GRK4: variants seen among roughly 807,000 people sequenced by gnomAD.
The protein encoded by GRK4 is G protein-coupled receptor kinase 4.
GRK4 carries 73 observed loss-of-function variants against 77.9 expected under a neutral mutation model. The observed-to-expected ratio is 0.94, with a 90% CI of 0.78 to 1.14. The LOEUF (loss-of-function observed/expected upper bound fraction) is 1.14, where lower values mean the gene tolerates loss of function less well. Among genes scored for constraint, GRK4 ranks in the 50% most tolerant of loss-of-function variants. The probability of loss-of-function intolerance (pLI) is 0.00; values close to 1 mark genes in which losing one functional copy is unlikely to be tolerated. For synonymous variants in GRK4, 257 were observed against 254.4 expected (o/e 1.01, Z -0.10); for missense variants, 729 against 700.2 (o/e 1.04, Z -0.46).
At chr4:2,965,803 A>C in intron 1 of GRK4, 1 of 318,386 alleles carries the variant, frequency 3.1e-6, no homozygotes. Flanking sequence ...ATAATCAGGG[A>C]GTCCCAGAGC....
intron 4 of GRK4, among the ~76,000 whole-genome samples, chr4:3,003,737 T>C (rs913818720): frequency 6.6e-6 from 1 of 152,080 alleles, no homozygotes; most frequent in Non-Finnish European, 1.5e-5. Flanking sequence ...TTTTTTTGTT[T>C]GGTTTGGTTT....
At chr4:2,975,509 G>A (rs1255539612) in intron 1 of GRK4, among the ~76,000 whole-genome samples, 1 of 152,166 alleles carries the variant, frequency 6.6e-6, no homozygotes, top group Non-Finnish European at 1.5e-5. Flanking sequence ...TGGCCCGTCA[G>A]CAAAAGGGCC....
intron 9 of GRK4, 80 bp from the exon 10 acceptor site, chr4:3,022,334 G>T (rs1162893239): frequency 7.1e-7 from 1 of 1,404,570 alleles, no homozygotes; most frequent in Non-Finnish European, 1.0e-6. Flanking sequence ...CCTTGCTCAC[G>T]CTGGTTGTTC....
chr4:3,034,544 T>G (rs1056733491), intron 12 of GRK4, among the ~76,000 whole-genome samples: 1 of 152,166 alleles, frequency 6.6e-6, no homozygotes, highest in Non-Finnish European at 1.5e-5. Context: ...CATGTGTTGC[T>G]TTTGAGCACA....
intron 4 of GRK4, among the ~76,000 whole-genome samples, chr4:3,003,702 C>G (rs1280531796): frequency 6.6e-6 from 1 of 151,986 alleles, no homozygotes; most frequent in Non-Finnish European, 1.5e-5. Flanking sequence ...CTGTTTGAGA[C>G]CCTGCTTTCC....
At chr4:2,998,915 C>CT (rs1304907331) in intron 4 of GRK4, among the ~76,000 whole-genome samples, 1 of 151,992 alleles carries the variant, frequency 6.6e-6, no homozygotes, top group African/African-American at 2.4e-5. Flanking sequence ...CTATAACATT[C>CT]TTTAAAAAGA....
intron 1 of GRK4, among the ~76,000 whole-genome samples, chr4:2,967,441 C>A (rs1045772453): frequency 1.3e-5 from 2 of 152,344 alleles, no homozygotes; most frequent in South Asian, 4.1e-4. Flanking sequence ...CACTCTGTCA[C>A]CCAGGCTGGA....
At chr4:3,018,694 A>G (rs756643994) in intron 8 of GRK4, among the ~76,000 whole-genome samples, 7 of 152,186 alleles carry the variant, frequency 4.6e-5, no homozygotes, top group Non-Finnish European at 7.3e-5. Context: ...CCTGGCCAAC[A>G]TGGTGAAACC....
intron 13 of GRK4, 64 bp downstream of exon 13, chr4:3,035,587 C>CT: frequency 6.6e-6 from 10 of 1,517,402 alleles, no homozygotes; most frequent in Non-Finnish European, 8.8e-6. Flanking sequence ...CGGTTTTTCT[C>CT]TTTCTTTTTT....
intron 7 of GRK4, 55 bp downstream of exon 7, chr4:3,009,766 T>C: frequency 7.5e-7 from 1 of 1,336,238 alleles, no homozygotes; most frequent in Non-Finnish European, 1.1e-6. Flanking sequence ...GGGAGCAAGG[T>C]CCTGAGAACA....
chr4:2,965,642 C>G (rs1717420563), intron 1 of GRK4: 1 of 594,820 alleles, frequency 1.7e-6, no homozygotes, highest in Non-Finnish European at 3.0e-6. Flanking sequence ...CCAGGAGAGT[C>G]CAGCCTGGGC....
chr4:3,039,268 T>G (rs113525958), intron 15 of GRK4, among the ~76,000 whole-genome samples: 1 of 152,302 alleles, frequency 6.6e-6, no homozygotes, highest in African/African-American at 2.4e-5. Flanking sequence ...TGTAATAGCA[T>G]TAAATGTAGA....
chr4:2,977,228 A>G (rs1306685626), intron 1 of GRK4, among the ~76,000 whole-genome samples: 1 of 152,012 alleles, frequency 6.6e-6, no homozygotes, highest in Non-Finnish European at 1.5e-5. Flanking sequence ...TCCCCAGCAA[A>G]ATACCTTCCT....
intron 1 of GRK4, among the ~76,000 whole-genome samples, chr4:2,983,500 T>A (rs1394456860): frequency 6.6e-6 from 1 of 152,212 alleles, no homozygotes; most frequent in African/African-American, 2.4e-5. Flanking sequence ...TCATTCTGGT[T>A]TCACCATGGG....
At chr4:3,029,753 C>T (rs1446227116) in intron 12 of GRK4, among the ~76,000 whole-genome samples, 1 of 152,078 alleles carries the variant, frequency 6.6e-6, no homozygotes, top group African/African-American at 2.4e-5. Flanking sequence ...AGGCTCACGT[C>T]AACCTGTCTC....
intron 1 of GRK4, among the ~76,000 whole-genome samples, chr4:2,967,836 G>A (rs906929251): frequency 3.3e-5 from 5 of 151,864 alleles, no homozygotes; most frequent in African/African-American, 4.8e-5. Context: ...CCAGGCTGGA[G>A]TGCAATGGCG....
At chr4:3,029,450 A>G in intron 12 of GRK4, 41 bp downstream of exon 12, 2 of 1,541,420 alleles carry the variant, frequency 1.3e-6, no homozygotes, top group Non-Finnish European at 1.8e-6. Context: ...GGCACTTCTC[A>G]CTCATTCTAG....
rs754467895 is a variant in GRK4, at chr4:2,992,205, C to T, written c.262-10C>T. On this transcript the variant is annotated splice_polypyrimidine_tract_variant and intron_variant, in intron 3 of 15. Transcript: ENST00000398052. ...AACTGTTCTTTCTTTTCTTCCATCT[C>T]TCCAATCAGGCAGAATATGAAGTTG... The T allele has an allele frequency of 6.3e-6, 10 of 1,597,862 alleles. No homozygotes were observed. In the South Asian group the frequency reaches 1.1e-4, roughly 18 times the overall value.
intron 8 of GRK4, among the ~76,000 whole-genome samples, chr4:3,018,073 T>C (rs1048785938): frequency 3.3e-5 from 5 of 150,708 alleles, no homozygotes; most frequent in African/African-American, 9.8e-5. Flanking sequence ...TTTTTCTTTT[T>C]CTTTTTTTTT....
Sources: allele counts gnomAD v4.1 joint callset (sites outside exome capture counted in the v4.1 genomes callset), GRCh38; gene constraint gnomAD v4.1.1; transcripts MANE v1.5; gene names NCBI Gene and HGNC (gene_info 2026-07-23, HGNC 2026-07-21).